GRM8: variants seen among roughly 807,000 people sequenced by gnomAD.
The protein encoded by GRM8 is glutamate metabotropic receptor 8, also known as metabotropic glutamate receptor 8.
GRM8 carries 47 observed loss-of-function variants against 87.2 expected under a neutral mutation model. The ratio of observed to expected loss-of-function variants is 0.54; its 90% CI spans 0.43 to 0.69. GRM8 has a LOEUF of 0.69. Ranked by LOEUF, GRM8 falls within the 30% of genes least tolerant of loss-of-function variation. The probability of loss-of-function intolerance (pLI) is 0.00; values close to 1 mark genes in which losing one functional copy is unlikely to be tolerated. For missense variants in GRM8, 1,019 were observed against 1,139.2 expected (o/e 0.89, Z 1.52); for synonymous variants, 396 against 404.5 (o/e 0.98, Z 0.25).
At chr7:126,698,583 A>T (rs945565737) in intron 7 of GRM8, among the ~76,000 whole-genome samples, 2 of 152,116 alleles carry the variant, frequency 1.3e-5, no homozygotes, top group Non-Finnish European at 2.9e-5. Context: ...AATGACTCAC[A>T]CTTCTGTGCC....
chr7:126,473,890 G>A (rs1279653334), intron 9 of GRM8, among the ~76,000 whole-genome samples: 1 of 152,058 alleles, frequency 6.6e-6, no homozygotes, highest in Non-Finnish European at 1.5e-5. Flanking sequence ...CTGTCACAAG[G>A]TAAGATGTGC....
intron 3 of GRM8, among the ~76,000 whole-genome samples, chr7:127,035,190 C>T (rs1446194270): frequency 2.0e-5 from 3 of 152,126 alleles, no homozygotes; most frequent in Non-Finnish European, 4.4e-5. Context: ...CACTGTGGGG[C>T]AGAATGTCAA....
At chr7:126,717,101 G>A (rs750439343) in intron 7 of GRM8, among the ~76,000 whole-genome samples, 3 of 152,204 alleles carry the variant, frequency 2.0e-5, no homozygotes, top group Admixed American at 6.5e-5. Flanking sequence ...CCATCTTTGT[G>A]AGATTTGGGC....
At chr7:126,615,042 C>G (rs939913581) in intron 7 of GRM8, among the ~76,000 whole-genome samples, 8 of 151,966 alleles carry the variant, frequency 5.3e-5, no homozygotes, top group Non-Finnish European at 8.8e-5. Context: ...AGATACTCCT[C>G]GAGAAGAGCA....
rs74786084 is a variant in GRM8 at position 126,742,866 on chromosome 7, T to A, written c.1357+26999A>T. Among the ~76,000 whole-genome samples, 745 of 152,262 alleles carry A rather than the reference T, an allele frequency of 4.9e-3. 6 individuals are homozygous for A. Among genetic ancestry groups the A allele is most frequent in the African/African-American group, 0.017 (715 of 41,564 alleles). On this transcript the variant is annotated intron_variant, in intron 7 of 10. Transcript: ENST00000339582. ...ACTAGTTAATTCTGATGTATTTTAATAATTGCCTATTTATAAGGCTGGCTT... is the reference window on the plus strand; with the variant it reads ...ACTAGTTAATTCTGATGTATTTTAAAAATTGCCTATTTATAAGGCTGGCTT...
chr7:126,983,490 A>G (rs1175984415), intron 3 of GRM8, among the ~76,000 whole-genome samples: 3 of 152,020 alleles, frequency 2.0e-5, no homozygotes, highest in East Asian at 3.9e-4. Context: ...TGGAAGTGGC[A>G]CCTCTTATTA....
Position 126,879,970 on chromosome 7 carries a change from G to A in GRM8, c.1156+22572C>T, listed in dbSNP as rs1391437532. Among the ~76,000 whole-genome samples, 3 of 152,034 alleles carry A rather than the reference G, an allele frequency of 2.0e-5. No homozygotes were observed. In the East Asian group the frequency reaches 5.8e-4, roughly 29 times the overall value. ...TTTCCTTTAACAGAAAAACTGAAAA[G>A]GTGTCTAAAAAAATAATTTGCCTTA... is the stretch of plus-strand genomic sequence containing the variant. On this transcript the variant is annotated intron_variant, in intron 6 of 10. Transcript: ENST00000339582.
At chr7:127,214,637 C>T (rs975056969) in intron 2 of GRM8, among the ~76,000 whole-genome samples, 1 of 152,078 alleles carries the variant, frequency 6.6e-6, no homozygotes, top group African/African-American at 2.4e-5. Context: ...GGAAGTGCCG[C>T]ACTTTTAAAC....
At chr7:126,947,929 G>A (rs918938143) in intron 3 of GRM8, among the ~76,000 whole-genome samples, 2 of 152,178 alleles carry the variant, frequency 1.3e-5, no homozygotes, top group African/African-American at 4.8e-5. Context: ...CAAGGGTGAG[G>A]AAGCTAAGGT....
intron 9 of GRM8, among the ~76,000 whole-genome samples, chr7:126,507,193 C>T (rs1254230991): frequency 1.3e-5 from 2 of 152,048 alleles, no homozygotes; most frequent in African/African-American, 2.4e-5. Context: ...CTTTTACTTT[C>T]CGCAAGTAAT....
At chr7:126,526,122 A>AC (rs2150817610) in intron 9 of GRM8, among the ~76,000 whole-genome samples, 1 of 152,304 alleles carries the variant, frequency 6.6e-6, no homozygotes, top group East Asian at 1.9e-4. Context: ...TCTTCCTGGC[A>AC]CCCTGTATGT....
At chr7:127,128,235 G>T (rs17866955) in intron 2 of GRM8, among the ~76,000 whole-genome samples, 1,657 of 152,182 alleles carry the variant, frequency 0.011, 48 homozygotes, top group East Asian at 0.091. Context: ...AATTACCTGG[G>T]TGGCTTTTTA....
At chr7:126,902,797 A>G (rs1802232848) in intron 5 of GRM8, 118 bp from the exon 6 acceptor site, 2 of 647,604 alleles carry the variant, frequency 3.1e-6, no homozygotes, top group Non-Finnish European at 4.9e-6. Context: ...AAAACACATA[A>G]CAAATGAGAG....
chr7:126,587,743 C>T (rs1458043012), intron 8 of GRM8, among the ~76,000 whole-genome samples: 1 of 151,420 alleles, frequency 6.6e-6, no homozygotes, highest in Non-Finnish European at 1.5e-5. Flanking sequence ...TTAATGGGTG[C>T]AGCACACCAA....
rs1226193225 is a variant in GRM8 at position 126,602,064 on chromosome 7, A to G, written c.1494+7298T>C. Reference sequence around the variant, plus strand: ...TTTCTTCTAGGGTTTTTATGGTTTTAGGTCTAACGTTTAAATCTTTAATCC... The same window carrying G: ...TTTCTTCTAGGGTTTTTATGGTTTTGGGTCTAACGTTTAAATCTTTAATCC... On this transcript the variant is annotated intron_variant, in intron 8 of 10. Transcript: ENST00000339582. 7.8e-5 allele frequency among the ~76,000 whole-genome samples: 10 copies of G among 128,992 alleles called. No homozygotes were observed. The Admixed American group carries it at 7.9e-4, about 10-fold the overall frequency. 84.6% of individuals were successfully genotyped at this position (128,992 alleles called of 152,430 possible). A position where few individuals can be genotyped will look rare whatever the true frequency, so the allele number is the denominator to read the frequency against.
chr7:127,191,181 A>G (rs1359617972), intron 2 of GRM8, among the ~76,000 whole-genome samples: 1 of 152,190 alleles, frequency 6.6e-6, no homozygotes, highest in Non-Finnish European at 1.5e-5. Flanking sequence ...TATATTTTAG[A>G]AATGCCAACT....
chr7:126,972,367 T>G (rs1341838089), intron 3 of GRM8, among the ~76,000 whole-genome samples: 1 of 152,182 alleles, frequency 6.6e-6, no homozygotes, highest in African/African-American at 2.4e-5. Flanking sequence ...TGATGTTGAG[T>G]AGACACAATC....
At chr7:126,598,069 C>T (rs994988243) in intron 8 of GRM8, among the ~76,000 whole-genome samples, 2 of 152,008 alleles carry the variant, frequency 1.3e-5, no homozygotes, top group Non-Finnish European at 2.9e-5. Context: ...CTTAATTCCC[C>T]TCCCCCACTC....
At chr7:126,818,786 T>C (rs970034221) in intron 6 of GRM8, among the ~76,000 whole-genome samples, 1 of 152,194 alleles carries the variant, frequency 6.6e-6, no homozygotes, top group Non-Finnish European at 1.5e-5. Context: ...TATTAAAACT[T>C]TGACAAGGAA....
Sources: allele counts gnomAD v4.1 joint callset (sites outside exome capture counted in the v4.1 genomes callset), GRCh38; gene constraint gnomAD v4.1.1; transcripts MANE v1.5; gene names NCBI Gene and HGNC (gene_info 2026-07-23, HGNC 2026-07-21).